The following SMIM35 variants were observed in gnomAD, a reference collection of about 807,000 sequenced individuals.
SMIM35 encodes the protein small integral membrane protein 35.
chr11:118,085,226 CTTTT>C (rs67063759), intron 1 of SMIM35, among the ~76,000 whole-genome samples: 2 of 141,854 alleles, frequency 1.4e-5, no homozygotes, highest in Non-Finnish European at 1.5e-5. Flanking sequence ...TCTTCTTCTT[CTTTT>C]TTTTTTTTTT....
At chr11:118,021,313 A>G (rs1463409942) in intron 1 of SMIM35, among the ~76,000 whole-genome samples, 1 of 152,062 alleles carries the variant, frequency 6.6e-6, no homozygotes, top group Admixed American at 6.6e-5. Flanking sequence ...TCTAAACTTC[A>G]GTCTTAGATA....
chr11:118,034,026 G>T (rs2058338894), intron 1 of SMIM35, among the ~76,000 whole-genome samples: 1 of 152,194 alleles, frequency 6.6e-6, no homozygotes, highest in Non-Finnish European at 1.5e-5. Flanking sequence ...CCTACACTTT[G>T]GGAGGCCGAG....
intron 1 of SMIM35, chr11:118,077,118 G>A (rs951984915): frequency 3.2e-5 from 19 of 585,394 alleles, no homozygotes; most frequent in South Asian, 4.6e-5. Context: ...CTTGCTCAGC[G>A]GACAAGGATG....
intron 1 of SMIM35, among the ~76,000 whole-genome samples, chr11:118,072,656 C>T (rs1944590383): frequency 6.6e-6 from 1 of 152,114 alleles, no homozygotes; most frequent in African/African-American, 2.4e-5. Flanking sequence ...GTTTCCAAAC[C>T]CCCAAGTGTT....
chr11:118,015,290 G>C (rs1225777419), intron 2 of SMIM35, among the ~76,000 whole-genome samples: 1 of 152,204 alleles, frequency 6.6e-6, no homozygotes, highest in Non-Finnish European at 1.5e-5. Flanking sequence ...TCCCAGTGAA[G>C]CTGATACCTC....
chr11:118,075,620 C>T (rs1387218837), intron 1 of SMIM35, among the ~76,000 whole-genome samples: 1 of 116,556 alleles, frequency 8.6e-6, no homozygotes, highest in Non-Finnish European at 1.9e-5. Flanking sequence ...CAAATGGGAA[C>T]AAAATATTGG....
chr11:118,052,675 A>G (rs997606747), intron 1 of SMIM35, among the ~76,000 whole-genome samples: 2 of 151,588 alleles, frequency 1.3e-5, no homozygotes, highest in African/African-American at 4.9e-5. Context: ...TTCCAGCCAC[A>G]TCCCACGACC....
intron 1 of SMIM35, among the ~76,000 whole-genome samples, chr11:118,045,789 C>T (rs1244749474): frequency 6.6e-6 from 1 of 152,190 alleles, no homozygotes; most frequent in African/African-American, 2.4e-5. Flanking sequence ...AATGAACAGA[C>T]AGCAGATTTC....
chr11:118,069,029 T>C (rs1259292191), intron 1 of SMIM35, among the ~76,000 whole-genome samples: 2 of 152,202 alleles, frequency 1.3e-5, no homozygotes, highest in African/African-American at 2.4e-5. Context: ...CATTGACTCA[T>C]CACCCTAATG....
intron 1 of SMIM35, among the ~76,000 whole-genome samples, chr11:118,020,147 T>C (rs57383508): frequency 0.039 from 5,870 of 152,124 alleles, 274 homozygotes; most frequent in African/African-American, 0.12. Context: ...GCAAAGGTAA[T>C]CCCAGCTACT....
chr11:118,080,473 C>T (rs1945038132), intron 1 of SMIM35, among the ~76,000 whole-genome samples: 1 of 152,188 alleles, frequency 6.6e-6, no homozygotes, highest in African/African-American at 2.4e-5. Flanking sequence ...GCGCTTCCAG[C>T]CTGACCCTGG....
chr11:118,024,248 A>G (rs1477905747), intron 1 of SMIM35, among the ~76,000 whole-genome samples: 2 of 152,194 alleles, frequency 1.3e-5, no homozygotes, highest in Non-Finnish European at 2.9e-5. Flanking sequence ...CATGGTTGAT[A>G]TCATAACTCT....
chr11:118,069,386 AC>A (rs1189264517), intron 1 of SMIM35, among the ~76,000 whole-genome samples: 1 of 151,544 alleles, frequency 6.6e-6, no homozygotes, highest in African/African-American at 2.4e-5. Context: ...ACTGTCTCTA[AC>A]CCCCTCTCCC....
chr11:118,015,809 C>T lies in SMIM35; in HGVS notation c.8G>A (p.Gly3Asp), dbSNP rs930006824. The T allele has an allele frequency of 1.0e-5, 4 of 399,172 alleles. No homozygotes were observed. In the Admixed American group the frequency reaches 1.8e-4, roughly 18 times the overall value. The allele number at this position is 399,172 out of a possible 1,614,324, so 24.7% of individuals were successfully genotyped here. A position where few individuals can be genotyped will look rare whatever the true frequency, so the allele number is the denominator to read the frequency against. Residue 3 changes from glycine (G) to aspartate (D), a missense_variant and splice_region_variant, in exon 2 of 5, where the codon GGT (glycine) becomes GAT (aspartate). Transcript: ENST00000689828. Reference protein sequence around the residue: MTGEDSISTLGLI... With the variant: MTDEDSISTLGLI... Reference sequence around the variant, plus strand: ...GCCCAAGGTGCTGATGGAGTCCTCACCTGCAGAGACATGCAGCTGTGCACC... The same window carrying T: ...GCCCAAGGTGCTGATGGAGTCCTCATCTGCAGAGACATGCAGCTGTGCACC...
rs146664745 is a variant in SMIM35 at position 118,021,046 on chromosome 11, G to GGTTTTTTTTTTTTTTTT, written c.8-5238_8-5237insAAAAAAAAAAAAAAAAC. 7.6e-5 allele frequency among the ~76,000 whole-genome samples: 10 copies of GGTTTTTTTTTTTTTTTT among 130,812 alleles called. No individual in the cohort carries two copies. In the East Asian group the frequency reaches 1.5e-3, roughly 20 times the overall value. 85.8% of individuals were successfully genotyped at this position (130,812 alleles called of 152,430 possible). A position where few individuals can be genotyped will look rare whatever the true frequency, so the allele number is the denominator to read the frequency against. ...TTTAGTTTCCAAATTCACAGGGTAA[G>GGTTTTTTTTTTTTTTTT]GTTTTTTTTTTTACTATTTATTAAG... is the stretch of plus-strand genomic sequence containing the variant. On this transcript the variant is annotated intron_variant, in intron 1 of 4. Coordinates refer to ENST00000689828, the MANE Select transcript of SMIM35 (RefSeq NM_001394165.1).
At chr11:118,048,720 A>C (rs1944151745) in intron 1 of SMIM35, among the ~76,000 whole-genome samples, 1 of 151,960 alleles carries the variant, frequency 6.6e-6, no homozygotes, top group African/African-American at 2.4e-5. Context: ...ATGGGGGAAA[A>C]AAACAACAGA....
Position 118,048,566 on chromosome 11 carries a change from G to C in SMIM35, c.8-32757C>G, listed in dbSNP as rs199867660. Among the ~76,000 whole-genome samples, 70 of 77,974 alleles carry C rather than the reference G, an allele frequency of 9.0e-4. 1 individual carries two copies. The highest frequency in any genetic ancestry group is 1.1e-3 in the Non-Finnish European group (35 of 33,282). 51.2% of individuals were successfully genotyped at this position (77,974 alleles called of 152,430 possible). ...GGAAGGAAGGAAGGAAGGAAGGAAGGAAGGAAGGAAGGAAGGAAGGAAGGA... is the reference window on the plus strand; with the variant it reads ...GGAAGGAAGGAAGGAAGGAAGGAAGCAAGGAAGGAAGGAAGGAAGGAAGGA... On this transcript the variant is annotated intron_variant, in intron 1 of 4. Coordinates refer to ENST00000689828, the MANE Select transcript of SMIM35 (RefSeq NM_001394165.1).
chr11:118,055,511 C>T (rs1012847233), intron 1 of SMIM35, among the ~76,000 whole-genome samples: 5 of 152,166 alleles, frequency 3.3e-5, no homozygotes, highest in African/African-American at 1.2e-4. Flanking sequence ...TGAATTCATA[C>T]CTGAATGTGA....
At chr11:118,054,164 G>GTTTGT (rs1565393377) in intron 1 of SMIM35, among the ~76,000 whole-genome samples, 1 of 105,640 alleles carries the variant, frequency 9.5e-6, no homozygotes, top group Non-Finnish European at 2.1e-5. Context: ...GGATTTTTTT[G>GTTTGT]TTTTGTTTTT....
Sources: allele counts gnomAD v4.1 joint callset (sites outside exome capture counted in the v4.1 genomes callset), GRCh38; gene constraint gnomAD v4.1.1; transcripts MANE v1.5; gene names NCBI Gene and HGNC (gene_info 2026-07-23, HGNC 2026-07-21).